The following GPR22 variants were observed in gnomAD, a reference collection of about 807,000 sequenced individuals.
GPR22 encodes G-protein coupled receptor 22.
GPR22 carries 13 observed loss-of-function variants against 31.0 expected under a neutral mutation model. That is an observed-to-expected ratio of 0.42 (90% CI 0.27 to 0.67). The LOEUF (loss-of-function observed/expected upper bound fraction) is 0.67, where lower values mean the gene tolerates loss of function less well. Ranked by LOEUF, GPR22 falls within the 30% of genes least tolerant of loss-of-function variation. GPR22 has a pLI of 0.25. For missense variants in GPR22, 368 were observed against 509.6 expected (o/e 0.72, Z 2.67); for synonymous variants, 191 against 173.4 (o/e 1.10, Z -0.80).
Position 107,475,194 on chromosome 7 carries a change from G to A in GPR22, c.1134G>A (p.Leu378=). ...CTAGACAAAAATTTCAAAAGGTCTT[G>A]AAAAGTAAAATGAAAAAGCGAGTTG... ...AFTRQKFQKV[L]KSKMKKRVVS... is the part of the protein sequence containing the mutation. Residue 378 remains leucine (L), a synonymous_variant, in exon 3 of 3, where the codon TTG becomes TTA. Coordinates refer to ENST00000304402, the MANE Select transcript of GPR22 (RefSeq NM_005295.3). 1 of 1,611,858 alleles carries A rather than the reference G, an allele frequency of 6.2e-7. No individual in the cohort carries two copies. The highest frequency in any genetic ancestry group is 2.2e-5 in the East Asian group (1 of 44,804).
downstream of GPR22, chr7:107,475,772 G>C (rs1163271890): frequency 6.0e-6 from 1 of 167,752 alleles, no homozygotes; most frequent in African/African-American, 2.4e-5. Flanking sequence ...AACTGGAGTA[G>C]CATTTTAATC....
rs1044944336 is a variant in GPR22, at chr7:107,475,083, A to C, written c.1023A>C (p.Pro341=). The change falls in exon 3 of 3, where the codon CCA becomes CCC. Residue 341 remains proline (P), a synonymous_variant. Coordinates refer to ENST00000304402, the MANE Select transcript of GPR22 (RefSeq NM_005295.3). The part of the protein sequence containing the change: ...VLNTTILCLG[P]SDLLVKLRLC... ...ATACCACCATTTTATGTTTAGGCCC[A>C]AGTGACCTTTTAGTAAAATTAAGAT... The C allele has an allele frequency of 3.1e-6, 5 of 1,612,932 alleles. No homozygotes were observed.
downstream of GPR22, among the ~76,000 whole-genome samples, chr7:107,477,485 A>C (rs533857122): frequency 6.6e-6 from 1 of 151,876 alleles, no homozygotes; most frequent in East Asian, 1.9e-4. Flanking sequence ...CTGTAATAAG[A>C]AATTAAATAA....
downstream of GPR22, among the ~76,000 whole-genome samples, chr7:107,477,567 T>C (rs1289762785): frequency 6.6e-6 from 1 of 151,862 alleles, no homozygotes. Context: ...AAGCAGACAT[T>C]TAACAAGCAT....
In GPR22 at chr7:107,471,882, A is replaced by T. The variant is rs544558287; in HGVS notation, c.-447A>T. On this transcript the variant is annotated 5_prime_UTR_variant, in exon 2 of 3. The change abolishes an upstream ATG in the 5' untranslated region. Coordinates refer to ENST00000304402, the MANE Select transcript of GPR22 (RefSeq NM_005295.3). ...GAAAACAAACAAAATTAAACAGCAG[A>T]TGGTTTTTATCAAAAGGACATGGCC... 5 of 152,132 alleles carry T rather than the reference A, an allele frequency of 3.3e-5. No individual in the cohort carries two copies. The South Asian group carries it at 1.0e-3, about 32-fold the overall frequency. The allele number at this position is 152,132 out of a possible 1,614,324, so 9.4% of individuals were successfully genotyped here. A position where few individuals can be genotyped will look rare whatever the true frequency, so the allele number is the denominator to read the frequency against.
In GPR22 at chr7:107,474,912, A is replaced by G. The variant is rs911319844; in HGVS notation, c.852A>G (p.Val284=). The change falls in exon 3 of 3, where the codon GTA becomes GTG. Residue 284 remains valine, a synonymous_variant. Coordinates refer to ENST00000304402, the MANE Select transcript of GPR22 (RefSeq NM_005295.3). This position sits in a 1 kb window ranked among gnomAD's most constrained non-coding sequence, Gnocchi z 5.7. Reference sequence around the variant, plus strand: ...GTGGGAGAAATGTAGTCTTTGGTGTAAGAACTTCAGTTTCTGTAATAATTG... The same window carrying G: ...GTGGGAGAAATGTAGTCTTTGGTGTGAGAACTTCAGTTTCTGTAATAATTG... ...SSGGRNVVFG[V]RTSVSVIIAL... is the part of the protein sequence containing the mutation. 2 of 1,613,120 alleles carry G rather than the reference A, an allele frequency of 1.2e-6. No individual in the cohort carries two copies. Among genetic ancestry groups the G allele is most frequent in the African/African-American group, 1.3e-5 (1 of 74,870 alleles).
At chr7:107,473,419 T>G (rs1796761642) in intron 2 of GPR22, among the ~76,000 whole-genome samples, 1 of 151,948 alleles carries the variant, frequency 6.6e-6, no homozygotes, top group Non-Finnish European at 1.5e-5. Flanking sequence ...AACTGTGATA[T>G]GTAAAATATT....
chr7:107,477,360 T>G (rs1797052793), downstream of GPR22, among the ~76,000 whole-genome samples: 1 of 151,660 alleles, frequency 6.6e-6, no homozygotes, highest in African/African-American at 2.4e-5. Flanking sequence ...TAAGAAAAAC[T>G]CCCTTGTGTT....
At chr7:107,477,651 C>G (rs1169296605), downstream of GPR22, among the ~76,000 whole-genome samples, 3 of 151,722 alleles carry the variant, frequency 2.0e-5, no homozygotes, top group East Asian at 3.9e-4. Context: ...AAACTCATAC[C>G]TATCAGAAAA....
rs1796882973 is a variant in GPR22, at chr7:107,474,964, C to T, written c.904C>T (p.Arg302Cys). 5 of 1,612,152 alleles carry T rather than the reference C, an allele frequency of 3.1e-6. No individual in the cohort carries two copies. The highest frequency in any genetic ancestry group is 1.1e-5 in the South Asian group (1 of 90,880). Reference sequence around the variant, plus strand: ...CCTCCGGCGAGCTGTGAAACGACACCGTGAACGACGAGAAAGACAAAAGAG... The same window carrying T: ...CCTCCGGCGAGCTGTGAAACGACACTGTGAACGACGAGAAAGACAAAAGAG... ...IALRRAVKRH[R>C]ERRERQKRVF... is the part of the protein sequence containing the mutation. The change falls in exon 3 of 3, where the codon CGT becomes TGT. Residue 302 changes from arginine to cysteine, a missense_variant. By Grantham distance (180) the Arg-to-Cys change is radical (BLOSUM62 -3). Coordinates refer to ENST00000304402, the MANE Select transcript of GPR22 (RefSeq NM_005295.3). The surrounding 1 kb of genome is among the most constrained non-coding windows in gnomAD (Gnocchi z 5.7).
rs770531231 is a variant in GPR22 at position 107,472,131 on chromosome 7, T to C, written c.-198T>C. 1 of 152,040 alleles carries C rather than the reference T, an allele frequency of 6.6e-6. No individual in the cohort carries two copies. Among genetic ancestry groups the C allele is most frequent in the Non-Finnish European group, 1.5e-5 (1 of 67,940 alleles). The allele number at this position is 152,040 out of a possible 1,614,324, so 9.4% of individuals were successfully genotyped here. ...ACATAATTCCTATCATCTGAGGAAA[T>C]TCCTCTTGGCCGTGACTTTTTAAAG... On this transcript the variant is annotated 5_prime_UTR_variant, in exon 2 of 3. Coordinates refer to ENST00000304402, the MANE Select transcript of GPR22 (RefSeq NM_005295.3).
Position 107,474,937 on chromosome 7 carries a change from G to T in GPR22, c.877G>T (p.Ala293Ser), listed in dbSNP as rs746674955. The T allele has an allele frequency of 6.2e-7, 1 of 1,612,754 alleles. No homozygotes were observed. Among genetic ancestry groups the T allele is most frequent in the Non-Finnish European group, 8.5e-7 (1 of 1,179,368 alleles). ...AAGAACTTCAGTTTCTGTAATAATT[G>T]CCCTCCGGCGAGCTGTGAAACGACA... The part of the protein sequence containing the change: ...GVRTSVSVII[A>S]LRRAVKRHRE... The change falls in exon 3 of 3, where the codon GCC becomes TCC. Residue 293 changes from alanine to serine, a missense_variant. Ala to Ser is a moderately conservative substitution (Grantham distance 99). Transcript: ENST00000304402. The surrounding 1 kb of genome is among the most constrained non-coding windows in gnomAD (Gnocchi z 5.7).
chr7:107,476,651 G>A (rs1584873945), downstream of GPR22, among the ~76,000 whole-genome samples: 2 of 151,506 alleles, frequency 1.3e-5, no homozygotes, highest in South Asian at 2.1e-4. Context: ...ATAATCTATC[G>A]ATAAGTGTCA....
rs750353287 is a variant in GPR22, at chr7:107,475,097, T to C, written c.1037T>C (p.Val346Ala). The change falls in exon 3 of 3, where the codon GTA (valine) becomes GCA (alanine). Residue 346 changes from valine (V) to alanine (A), a missense_variant. Coordinates refer to ENST00000304402, the MANE Select transcript of GPR22 (RefSeq NM_005295.3). ...TGTTTAGGCCCAAGTGACCTTTTAGTAAAATTAAGATTGTGTTTTTTAGTC... is the reference window on the plus strand; with the variant it reads ...TGTTTAGGCCCAAGTGACCTTTTAGCAAAATTAAGATTGTGTTTTTTAGTC... Reference protein sequence around the residue: ...ILCLGPSDLLVKLRLCFLVMA... With the variant: ...ILCLGPSDLLAKLRLCFLVMA... The C allele has an allele frequency of 1.2e-6, 2 of 1,612,860 alleles. No homozygotes were observed. The highest frequency in any genetic ancestry group is 1.7e-6 in the Non-Finnish European group (2 of 1,179,208).
chr7:107,477,193 T>A (rs1797044692), downstream of GPR22, among the ~76,000 whole-genome samples: 1 of 151,726 alleles, frequency 6.6e-6, no homozygotes, highest in Non-Finnish European at 1.5e-5. Flanking sequence ...AATCTTCTTT[T>A]ATTTTTTACC....
In GPR22 at chr7:107,472,883, T is replaced by C. The variant is rs901166371; in HGVS notation, c.-27+581T>C. The C allele has an allele frequency of 6.6e-5, 10 of 152,088 alleles. No homozygotes were observed. The East Asian group carries it at 1.5e-3, about 23-fold the overall frequency. 9.4% of individuals were successfully genotyped at this position (152,088 alleles called of 1,614,324 possible). A position where few individuals can be genotyped will look rare whatever the true frequency, so the allele number is the denominator to read the frequency against. On this transcript the variant is annotated intron_variant, in intron 2 of 2. Coordinates refer to ENST00000304402, the MANE Select transcript of GPR22 (RefSeq NM_005295.3). ...TTGAAATGTGAAATATAGTTGGTTG[T>C]ATGAGTTCATATTTTAAAATGAATA...
At chr7:107,476,183 TTAAAAAAAAA>T (rs146469729), downstream of GPR22, among the ~76,000 whole-genome samples, 20,815 of 87,288 alleles carry the variant, frequency 0.24, 2,758 homozygotes, top group Middle Eastern at 0.33. Context: ...TGCAATGATT[TTAAAAAAAAA>T]AAAAAAAAAA....
At chr7:107,476,019 G>GA (rs200844008), downstream of GPR22, among the ~76,000 whole-genome samples, 2,715 of 149,366 alleles carry the variant, frequency 0.018, 82 homozygotes, top group African/African-American at 0.061. Flanking sequence ...TGCTTACTAG[G>GA]AAAAAAAAGA....
rs1415063307 is a variant in GPR22 at position 107,470,459 on chromosome 7, CTATTATAGTA to C, written c.-958+17_-958+26del. 1 of 152,046 alleles carries C rather than the reference CTATTATAGTA, an allele frequency of 6.6e-6. No homozygotes were observed. The highest frequency in any genetic ancestry group is 2.4e-5 in the African/African-American group (1 of 41,426). 9.4% of individuals were successfully genotyped at this position (152,046 alleles called of 1,614,324 possible). On this transcript the variant is annotated intron_variant, in intron 1 of 2. Coordinates refer to ENST00000304402, the MANE Select transcript of GPR22 (RefSeq NM_005295.3). The stretch of plus-strand genomic sequence containing the variant: ...TCTTTAGCAGAGGTAAGATTTGTTC[CTATTATAGTA>C]TACAGCTGCTTTTGAACCGGCATAG...
Sources: gnomAD v4.1 joint callset for allele counts (sites outside exome capture counted in the v4.1 genomes callset) on GRCh38, gnomAD v4.1.1 for gene constraint, Gnocchi (gnomAD v3.1) non-coding constraint, MANE v1.5 for transcripts, NCBI Gene and HGNC (gene_info 2026-07-23, HGNC 2026-07-21) for gene names.